XPNPEP1: variants seen among roughly 807,000 people sequenced by gnomAD.
XPNPEP1 encodes X-prolyl aminopeptidase 1, also known as xaa-Pro aminopeptidase 1.
Under a neutral mutation model 92.4 loss-of-function variants are expected in XPNPEP1, and 39 were observed. The ratio of observed to expected loss-of-function variants is 0.42; its 90% CI spans 0.33 to 0.55. The LOEUF (loss-of-function observed/expected upper bound fraction) is 0.55. Ranked by LOEUF, XPNPEP1 falls within the 20% of genes least tolerant of loss-of-function variation. XPNPEP1 has a pLI of 0.08. For synonymous variants in XPNPEP1, 307 were observed against 299.4 expected, an observed-to-expected ratio of 1.03 and a Z score of -0.26; for missense variants, 654 against 856.1, an observed-to-expected ratio of 0.76 and a Z score of 2.95.
chr10:109,875,737 CAAT>C, intron 14 of XPNPEP1, 138 bp from the exon 15 acceptor site: 1 of 639,104 alleles, frequency 1.6e-6, no homozygotes, highest in South Asian at 2.3e-5. Flanking sequence ...GAAAGTTATG[CAAT>C]AATGAATTAT....
At chr10:109,888,918 T>C (rs896897516) in intron 5 of XPNPEP1, among the ~76,000 whole-genome samples, 6 of 152,322 alleles carry the variant, frequency 3.9e-5, no homozygotes, top group Non-Finnish European at 7.3e-5. Flanking sequence ...ACAAAGATTG[T>C]CTCCTCAGCG....
In XPNPEP1 at chr10:109,864,905, G is replaced by A; in HGVS notation, c.*279C>T. ...CCCCATCACTGGCCAAAGAAGTCGG[G>A]GCATCTTCCTTTCACCAAGTGTTCA... On this transcript the variant is annotated 3_prime_UTR_variant, in exon 21 of 21. Transcript: ENST00000502935. 1 of 420,572 alleles carries A rather than the reference G, an allele frequency of 2.4e-6. No homozygotes were observed. The highest frequency in any genetic ancestry group is 4.4e-6 in the Non-Finnish European group (1 of 227,692). 26.1% of individuals were successfully genotyped at this position (420,572 alleles called of 1,614,324 possible). A position where few individuals can be genotyped will look rare whatever the true frequency, so the allele number is the denominator to read the frequency against.
At chr10:109,907,995 A>G (rs780872519) in intron 2 of XPNPEP1, among the ~76,000 whole-genome samples, 180 bp from the exon 3 acceptor site, 3 of 152,230 alleles carry the variant, frequency 2.0e-5, no homozygotes, top group Non-Finnish European at 4.4e-5. Flanking sequence ...TAATGTTCAC[A>G]GTTCTTAAAT....
chr10:109,873,593 A>T, intron 15 of XPNPEP1, 166 bp from the exon 16 acceptor site: 1 of 683,618 alleles, frequency 1.5e-6, no homozygotes, highest in African/African-American at 1.8e-5. Context: ...AAGGTTAAAT[A>T]TAGTCACCAT....
intron 17 of XPNPEP1, 31 bp from the exon 18 acceptor site, chr10:109,870,935 T>TTTGTACAG (rs1479647056): frequency 6.2e-7 from 1 of 1,607,932 alleles, no homozygotes. Context: ...CTTAATTGTA[T>TTTGTACAG]TTGTACAGCG....
chr10:109,869,300 C>T (rs1847314038), intron 19 of XPNPEP1, among the ~76,000 whole-genome samples: 1 of 152,232 alleles, frequency 6.6e-6, no homozygotes, highest in Admixed American at 6.5e-5. Flanking sequence ...CAGGAAGCTA[C>T]TTCCCTCCAA....
At chr10:109,922,670 G>C (rs555259006) in intron 1 of XPNPEP1, among the ~76,000 whole-genome samples, 68 of 152,368 alleles carry the variant, frequency 4.5e-4, no homozygotes, top group African/African-American at 1.5e-3. Context: ...AGTCTGGCCT[G>C]TGGCCTCCAT....
At chr10:109,897,556 C>T (rs189529132) in intron 3 of XPNPEP1, among the ~76,000 whole-genome samples, 11 of 152,220 alleles carry the variant, frequency 7.2e-5, no homozygotes, top group East Asian at 5.8e-4. Flanking sequence ...TATCATCCCT[C>T]GCTAATCTAC....
intron 3 of XPNPEP1, among the ~76,000 whole-genome samples, chr10:109,897,788 G>C (rs1849065033): frequency 6.6e-6 from 1 of 151,786 alleles, no homozygotes; most frequent in Admixed American, 6.6e-5. Context: ...CAAGTAGCTG[G>C]GATTACAGGC....
At chr10:109,875,470 A>G in intron 15 of XPNPEP1, 58 bp downstream of exon 15, 1 of 1,545,336 alleles carries the variant, frequency 6.5e-7, no homozygotes, top group Non-Finnish European at 8.9e-7. Context: ...TCAGCTGTCC[A>G]CCTTCTCCAC....
Position 109,904,384 on chromosome 10 carries a change from C to T in XPNPEP1, c.246+3307G>A, listed in dbSNP as rs571275569. 2.6e-5 allele frequency among the ~76,000 whole-genome samples: 4 copies of T among 152,032 alleles called. No homozygotes were observed. The East Asian group carries it at 7.7e-4, about 29-fold the overall frequency. On this transcript the variant is annotated intron_variant, in intron 3 of 20. Transcript: ENST00000502935. Reference sequence around the variant, plus strand: ...CACTCTGACCTCTCCCTTCATCCACCTCTACATGCAAGACCCATCATCGGA... The same window carrying T: ...CACTCTGACCTCTCCCTTCATCCACTTCTACATGCAAGACCCATCATCGGA...
chr10:109,868,476 G>T, intron 20 of XPNPEP1, 138 bp downstream of exon 20: 1 of 761,174 alleles, frequency 1.3e-6, no homozygotes, highest in Non-Finnish European at 2.1e-6. Flanking sequence ...AGACTCAACT[G>T]GCCTAGACCT....
At chr10:109,913,428 A>G (rs1849991098) in intron 2 of XPNPEP1, among the ~76,000 whole-genome samples, 2 of 152,244 alleles carry the variant, frequency 1.3e-5, no homozygotes, top group Admixed American at 1.3e-4. Context: ...CAATTTCAGC[A>G]TCTTAACACG....
At chr10:109,891,929 G>C in intron 4 of XPNPEP1, 103 bp from the exon 5 acceptor site, 1 of 1,088,740 alleles carries the variant, frequency 9.2e-7, no homozygotes, top group East Asian at 2.5e-5. Flanking sequence ...AGAGGCATCA[G>C]CTCCTAGTGG....
At chr10:109,921,395 A>C (rs1850531785) in intron 1 of XPNPEP1, among the ~76,000 whole-genome samples, 2 of 152,214 alleles carry the variant, frequency 1.3e-5, no homozygotes, top group Admixed American at 1.3e-4. Flanking sequence ...AAAGTGGGTA[A>C]GGGGCAAGAA....
In XPNPEP1 at chr10:109,878,048, C is replaced by G; in HGVS notation, c.1193G>C (p.Gly398Ala). 6.2e-7 allele frequency: 1 copy of G among 1,614,244 alleles called. No individual in the cohort carries two copies. The highest frequency in any genetic ancestry group is 8.5e-7 in the Non-Finnish European group (1 of 1,180,040). The change falls in exon 13 of 21, where the codon GGT (glycine) becomes GCT (alanine). Residue 398 changes from glycine to alanine, a missense_variant. Coordinates refer to ENST00000502935, the MANE Select transcript of XPNPEP1 (RefSeq NM_020383.4). ...FNWLEKEVPK[G>A]GVTEISAADK... Reference sequence around the variant, plus strand: ...AGCAGCTGAGATCTCTGTCACACCACCTTTGGGAACCTATGAGAAAATTGC... The same window carrying G: ...AGCAGCTGAGATCTCTGTCACACCAGCTTTGGGAACCTATGAGAAAATTGC...
rs147650308 is a variant in XPNPEP1, at chr10:109,864,811, G to C, written c.*373C>G. On this transcript the variant is annotated 3_prime_UTR_variant, in exon 21 of 21. Transcript: ENST00000502935. ...TCACTGATCATAAATATAGTCTCAT[G>C]AGCATTAAGGTGATCATGAATGATG... The C allele has an allele frequency of 2.5e-3, 582 of 229,986 alleles. 6 individuals carry two copies. The highest frequency in any genetic ancestry group is 0.012 in the African/African-American group (552 of 44,800). The allele number at this position is 229,986 out of a possible 1,614,324, so 14.2% of individuals were successfully genotyped here. A position where few individuals can be genotyped will look rare whatever the true frequency, so the allele number is the denominator to read the frequency against.
At chr10:109,910,966 T>C (rs1449175456) in intron 2 of XPNPEP1, among the ~76,000 whole-genome samples, 1 of 152,246 alleles carries the variant, frequency 6.6e-6, no homozygotes, top group East Asian at 1.9e-4. Flanking sequence ...CCTTTTTGGA[T>C]CTTTTTCTTT....
intron 1 of XPNPEP1, among the ~76,000 whole-genome samples, chr10:109,919,570 T>C (rs1345160566): frequency 6.6e-6 from 1 of 152,226 alleles, no homozygotes; most frequent in African/African-American, 2.4e-5. Context: ...AAACCATTCC[T>C]AGGTACACAA....
Sources: gnomAD v4.1 joint callset for allele counts (sites outside exome capture counted in the v4.1 genomes callset) on GRCh38, gnomAD v4.1.1 for gene constraint, MANE v1.5 for transcripts, NCBI Gene and HGNC (gene_info 2026-07-23, HGNC 2026-07-21) for gene names.